The following GRIN3A variants were observed in gnomAD, a reference collection of about 807,000 sequenced individuals.
The protein encoded by GRIN3A is glutamate ionotropic receptor NMDA type subunit 3A.
GRIN3A carries 47 observed loss-of-function variants against 92.4 expected under a neutral mutation model. That is an observed-to-expected ratio of 0.51 (90% CI 0.40 to 0.65). The LOEUF (loss-of-function observed/expected upper bound fraction) is 0.65. GRIN3A is among the 30% of genes least tolerant of loss of function. GRIN3A has a pLI of 0.00. For synonymous variants in GRIN3A, 527 were observed against 540.6 expected (o/e 0.97, Z 0.35); for missense variants, 1,324 against 1,393.1 (o/e 0.95, Z 0.79).
chr9:101,702,335 AT>A (rs1185438707), intron 1 of GRIN3A, among the ~76,000 whole-genome samples: 1 of 151,960 alleles, frequency 6.6e-6, no homozygotes, highest in East Asian at 1.9e-4. Flanking sequence ...TTCACTTTAC[AT>A]TTTCTTATCC....
In GRIN3A at chr9:101,687,165, T is replaced by G; in HGVS notation, c.735A>C (p.Ser245=). 1 of 1,613,992 alleles carries G rather than the reference T, an allele frequency of 6.2e-7. No homozygotes were observed. Among genetic ancestry groups the G allele is most frequent in the Non-Finnish European group, 8.5e-7 (1 of 1,179,818 alleles). Reference sequence around the variant, plus strand: ...CAGTGACATCAGCATCAGAACTTAATGAATTTTCTAAACTCAGTTGTAGGT... The same window carrying G: ...CAGTGACATCAGCATCAGAACTTAAGGAATTTTCTAAACTCAGTTGTAGGT... ...PLHLQLSLEN[S]LSSDADVTVS... is the part of the protein sequence containing the mutation. The change falls in exon 2 of 9, where the codon TCA becomes TCC. Residue 245 remains serine (S), a synonymous_variant. Coordinates refer to ENST00000361820, the MANE Select transcript of GRIN3A (RefSeq NM_133445.3).
intron 6 of GRIN3A, chr9:101,594,688 C>A: frequency 6.2e-7 from 1 of 1,614,178 alleles, no homozygotes; most frequent in Non-Finnish European, 8.5e-7. Flanking sequence ...ACTGGGAGGT[C>A]CCCAGGATGA....
intron 8 of GRIN3A, among the ~76,000 whole-genome samples, chr9:101,574,153 G>A (rs1827797444): frequency 6.6e-6 from 1 of 152,054 alleles, no homozygotes; most frequent in South Asian, 2.1e-4. Flanking sequence ...TTTCTTGCTG[G>A]GATAATGAAA....
intron 3 of GRIN3A, among the ~76,000 whole-genome samples, chr9:101,642,385 C>T (rs1394955060): frequency 2.6e-5 from 4 of 151,958 alleles, no homozygotes; most frequent in African/African-American, 9.7e-5. Context: ...TACCAGAAAA[C>T]ACAGAGGAAA....
chr9:101,722,801 T>C (rs1830030154), intron 1 of GRIN3A, among the ~76,000 whole-genome samples: 1 of 152,220 alleles, frequency 6.6e-6, no homozygotes, highest in Non-Finnish European at 1.5e-5. Context: ...ATCTAGGAAG[T>C]AACTAGCTTG....
At chr9:101,701,737 G>T (rs1357596659) in intron 1 of GRIN3A, among the ~76,000 whole-genome samples, 4 of 152,150 alleles carry the variant, frequency 2.6e-5, no homozygotes, top group South Asian at 2.1e-4. Flanking sequence ...CACAGCAAAA[G>T]AAACTATCAA....
chr9:101,578,738 AGCTTG>A (rs1430187742), intron 7 of GRIN3A, among the ~76,000 whole-genome samples: 4 of 152,168 alleles, frequency 2.6e-5, no homozygotes, highest in Admixed American at 2.6e-4. Context: ...GGCCTTGTGA[AGCTTG>A]GCCTTGGCCC....
At chr9:101,594,409 T>C in intron 6 of GRIN3A, 1 of 1,595,962 alleles carries the variant, frequency 6.3e-7, no homozygotes, top group Non-Finnish European at 8.6e-7. Context: ...AGAAAAAGGC[T>C]CATACGATGA....
At chr9:101,618,786 A>G (rs1828506431) in intron 5 of GRIN3A, among the ~76,000 whole-genome samples, 1 of 152,196 alleles carries the variant, frequency 6.6e-6, no homozygotes, top group African/African-American at 2.4e-5. Flanking sequence ...CCCCATTTAT[A>G]GTTGCTTTTC....
At chr9:101,711,743 G>C (rs1446633619) in intron 1 of GRIN3A, among the ~76,000 whole-genome samples, 1 of 152,122 alleles carries the variant, frequency 6.6e-6, no homozygotes, top group Non-Finnish European at 1.5e-5. Context: ...GGAGATAATT[G>C]ATAGCGAAAT....
chr9:101,601,543 G>C (rs1588243519), intron 6 of GRIN3A, among the ~76,000 whole-genome samples: 1 of 152,178 alleles, frequency 6.6e-6, no homozygotes, highest in Non-Finnish European at 1.5e-5. Context: ...AGCACAAACG[G>C]GGTGGCTTAA....
intron 3 of GRIN3A, among the ~76,000 whole-genome samples, chr9:101,628,609 C>T (rs77156885): frequency 0.031 from 4,758 of 152,062 alleles, 236 homozygotes; most frequent in African/African-American, 0.11. Context: ...CAGATGGAAA[C>T]GACAAACAAA....
At chr9:101,710,882 C>T (rs911979704) in intron 1 of GRIN3A, among the ~76,000 whole-genome samples, 3 of 152,174 alleles carry the variant, frequency 2.0e-5, no homozygotes, top group Admixed American at 6.5e-5. Flanking sequence ...AAATTGCAGT[C>T]TCCACAGCTC....
At chr9:101,598,812 CT>C (rs1828174058) in intron 6 of GRIN3A, among the ~76,000 whole-genome samples, 1 of 152,192 alleles carries the variant, frequency 6.6e-6, no homozygotes, top group Non-Finnish European at 1.5e-5. Flanking sequence ...TAAAAATTGG[CT>C]CCTCCAGTTC....
chr9:101,625,793 G>C (rs1398689860), intron 4 of GRIN3A, among the ~76,000 whole-genome samples: 1 of 152,184 alleles, frequency 6.6e-6, no homozygotes, highest in Admixed American at 6.5e-5. Context: ...AAGTTCGACT[G>C]CCACAGTACC....
chr9:101,719,460 C>T (rs1392206887), intron 1 of GRIN3A, among the ~76,000 whole-genome samples: 1 of 151,228 alleles, frequency 6.6e-6, no homozygotes, highest in Non-Finnish European at 1.5e-5. Context: ...GTTAGGAGGC[C>T]ATTTAAATTT....
chr9:101,728,937 T>C (rs1270311546), intron 1 of GRIN3A, among the ~76,000 whole-genome samples: 1 of 152,210 alleles, frequency 6.6e-6, no homozygotes, highest in Non-Finnish European at 1.5e-5. Flanking sequence ...TTTGGGTTAA[T>C]GTAAGCCATA....
intron 1 of GRIN3A, among the ~76,000 whole-genome samples, chr9:101,722,457 G>A (rs7020375): frequency 0.42 from 64,453 of 151,986 alleles, 13,923 homozygotes; most frequent in Non-Finnish European, 0.47. Context: ...GAGGGCCACC[G>A]TCCTCCAGAC....
At chr9:101,683,265 A>G (rs145883521) in intron 2 of GRIN3A, among the ~76,000 whole-genome samples, 3 of 152,304 alleles carry the variant, frequency 2.0e-5, no homozygotes, top group African/African-American at 7.2e-5. Flanking sequence ...TGTCAGCCCA[A>G]ACTGAAAATG....
Sources: allele counts gnomAD v4.1 joint callset (sites outside exome capture counted in the v4.1 genomes callset), GRCh38; gene constraint gnomAD v4.1.1; transcripts MANE v1.5; gene names NCBI Gene and HGNC (gene_info 2026-07-23, HGNC 2026-07-21).